SMOC2: variants seen among roughly 807,000 people sequenced by gnomAD.
The protein encoded by SMOC2 is SPARC related modular calcium binding 2.
SMOC2 carries 39 observed loss-of-function variants against 61.4 expected under a neutral mutation model. The observed-to-expected ratio is 0.64, with a 90% CI of 0.49 to 0.83. The LOEUF (loss-of-function observed/expected upper bound fraction) is 0.83, where lower values mean the gene tolerates loss of function less well. Ranked by LOEUF, SMOC2 falls within the 40% of genes least tolerant of loss-of-function variation. SMOC2 has a pLI of 0.00. For missense variants in SMOC2, 556 were observed against 592.9 expected (o/e 0.94, Z 0.65); for synonymous variants, 247 against 239.9 (o/e 1.03, Z -0.27).
At position 168,608,240 on chromosome 6, in the gene SMOC2, G is replaced by A. The variant is rs1365895935; in HGVS notation, c.907+1G>A. The A allele has an allele frequency of 6.2e-7, 1 of 1,611,778 alleles. No homozygotes were observed. The highest frequency in any genetic ancestry group is 8.5e-7 in the Non-Finnish European group (1 of 1,179,122). On this transcript the variant is annotated splice_donor_variant, in intron 9 of 12. Coordinates refer to ENST00000356284, the MANE Select transcript of SMOC2 (RefSeq NM_001166412.2). LOFTEE classifies it high-confidence loss of function. ...CTGTACAAGGGCCGCCAGCTACAAGGTGAGCAGCACCCGCGAGTGTGGCCC... is the reference window on the plus strand; with the variant it reads ...CTGTACAAGGGCCGCCAGCTACAAGATGAGCAGCACCCGCGAGTGTGGCCC...
intron 9 of SMOC2, among the ~76,000 whole-genome samples, chr6:168,614,744 A>G (rs1583161877): frequency 3.7e-5 from 2 of 53,502 alleles, no homozygotes; most frequent in Non-Finnish European, 7.1e-5. Flanking sequence ...CAGCCAGCAC[A>G]GGGCCTCTTC....
At chr6:168,607,283 G>A (rs962651218) in intron 8 of SMOC2, among the ~76,000 whole-genome samples, 7 of 152,128 alleles carry the variant, frequency 4.6e-5, no homozygotes, top group African/African-American at 1.7e-4. Context: ...GCGTGGCAGG[G>A]GTCTCCTCCT....
At chr6:168,599,637 C>T (rs1331572874) in intron 8 of SMOC2, among the ~76,000 whole-genome samples, 1 of 75,094 alleles carries the variant, frequency 1.3e-5, no homozygotes, top group African/African-American at 5.1e-5. Flanking sequence ...CACACACCCA[C>T]ACCCACACAC....
intron 1 of SMOC2, among the ~76,000 whole-genome samples, chr6:168,505,954 C>T (rs1782863247): frequency 6.6e-6 from 1 of 152,150 alleles, no homozygotes; most frequent in Non-Finnish European, 1.5e-5. Flanking sequence ...AGAAAGCAAA[C>T]ACGTGGATGC....
intron 1 of SMOC2, among the ~76,000 whole-genome samples, chr6:168,501,704 C>T (rs921834854): frequency 1.3e-5 from 2 of 152,254 alleles, no homozygotes; most frequent in Non-Finnish European, 2.9e-5. Flanking sequence ...GAAACAACCA[C>T]GGCCTCAGGG....
chr6:168,556,954 T>C (rs1583106493), intron 7 of SMOC2, among the ~76,000 whole-genome samples: 1 of 151,976 alleles, frequency 6.6e-6, no homozygotes, highest in African/African-American at 2.4e-5. Context: ...GAAGAGTCCT[T>C]GATGTTCAGG....
At chr6:168,658,976 ATGG>A (rs1787400955) in intron 11 of SMOC2, among the ~76,000 whole-genome samples, 1 of 142,144 alleles carries the variant, frequency 7.0e-6, no homozygotes, top group Non-Finnish European at 1.5e-5. Flanking sequence ...GTGTGTGTGT[ATGG>A]TGTGTGTGTG....
chr6:168,463,966 GGATCAC>G (rs1781768653), intron 1 of SMOC2, among the ~76,000 whole-genome samples: 1 of 152,084 alleles, frequency 6.6e-6, no homozygotes, highest in African/African-American at 2.4e-5. Context: ...CTAGGCAGGT[GGATCAC>G]TTAAGCCCAG....
At chr6:168,518,003 C>T (rs1783185931) in intron 2 of SMOC2, among the ~76,000 whole-genome samples, 1 of 152,258 alleles carries the variant, frequency 6.6e-6, no homozygotes, top group Non-Finnish European at 1.5e-5. Flanking sequence ...AGAATTCTTT[C>T]TCTCTGGAGG....
At chr6:168,471,981 T>G (rs546369220) in intron 1 of SMOC2, among the ~76,000 whole-genome samples, 18 of 152,364 alleles carry the variant, frequency 1.2e-4, no homozygotes, top group African/African-American at 4.1e-4. Flanking sequence ...GCAAGTATTT[T>G]CTCCCACTCC....
chr6:168,579,633 C>T (rs1050245516), intron 7 of SMOC2, among the ~76,000 whole-genome samples: 1 of 152,148 alleles, frequency 6.6e-6, no homozygotes, highest in East Asian at 1.9e-4. Context: ...AGGGTGTTAT[C>T]ATTACTGGTA....
At chr6:168,554,827 A>G (rs1395658536) in intron 7 of SMOC2, among the ~76,000 whole-genome samples, 4 of 152,150 alleles carry the variant, frequency 2.6e-5, no homozygotes, top group Non-Finnish European at 5.9e-5. Context: ...GCCCAACTAC[A>G]TTCTGTGTTT....
At chr6:168,543,190 T>C (rs1268955001) in intron 4 of SMOC2, among the ~76,000 whole-genome samples, 2 of 152,242 alleles carry the variant, frequency 1.3e-5, no homozygotes, top group Admixed American at 6.5e-5. Flanking sequence ...TTCCTCGCCA[T>C]TCTCCTCTAT....
rs541793105 is a variant in SMOC2, at chr6:168,563,307, ATGTG to A, written c.637+14108_637+14111del. On this transcript the variant is annotated intron_variant, in intron 7 of 12. Coordinates refer to ENST00000356284, the MANE Select transcript of SMOC2 (RefSeq NM_001166412.2). The stretch of plus-strand genomic sequence containing the variant: ...GTTTTATGTGTGTGTGTGTATATAT[ATGTG>A]TGTATGTATATAAAGTTTATATATG... Among the ~76,000 whole-genome samples the A allele has an allele frequency of 7.2e-4, 109 of 151,872 alleles. 1 individual carries two copies. The highest frequency in any genetic ancestry group is 3.4e-3 in the Middle Eastern group (1 of 292).
chr6:168,531,916 A>G (rs927028252), intron 4 of SMOC2, among the ~76,000 whole-genome samples: 1 of 152,030 alleles, frequency 6.6e-6, no homozygotes, highest in African/African-American at 2.4e-5. Context: ...GGCGTAGGAG[A>G]ATGTGGGCAG....
At chr6:168,617,452 G>A (rs542431509) in intron 9 of SMOC2, among the ~76,000 whole-genome samples, 3 of 152,214 alleles carry the variant, frequency 2.0e-5, no homozygotes, top group South Asian at 2.1e-4. Flanking sequence ...CACTGCATTC[G>A]TGGACTCTGA....
chr6:168,454,992 C>T (rs1781551879), intron 1 of SMOC2, among the ~76,000 whole-genome samples: 1 of 152,036 alleles, frequency 6.6e-6, no homozygotes, highest in African/African-American at 2.4e-5. Flanking sequence ...TCCAGAGGGT[C>T]TTGGTGGCCG....
chr6:168,468,233 G>A (rs1391529053), intron 1 of SMOC2, among the ~76,000 whole-genome samples: 2 of 152,208 alleles, frequency 1.3e-5, no homozygotes, highest in African/African-American at 4.8e-5. Flanking sequence ...ACAGGGCGCT[G>A]CGGGTTCTTT....
chr6:168,497,236 C>T (rs1225252451), intron 1 of SMOC2, among the ~76,000 whole-genome samples: 1 of 152,166 alleles, frequency 6.6e-6, no homozygotes, highest in Non-Finnish European at 1.5e-5. Flanking sequence ...CACTGGGAGC[C>T]TCAGCTGTGC....
Sources: gnomAD v4.1 joint callset for allele counts (sites outside exome capture counted in the v4.1 genomes callset) on GRCh38, gnomAD v4.1.1 for gene constraint, MANE v1.5 for transcripts, NCBI Gene and HGNC (gene_info 2026-07-23, HGNC 2026-07-21) for gene names.